Variants in CEP112 observed in about 807,000 individuals in gnomAD.
The protein encoded by CEP112 is centrosomal protein of 112 kDa.
A neutral mutation model predicts 153.0 loss-of-function variants in CEP112; 127 were observed. The observed-to-expected ratio is 0.83, with a 90% CI of 0.72 to 0.96. The LOEUF (loss-of-function observed/expected upper bound fraction) is 0.96. Among genes scored for constraint, CEP112 ranks in the 40% least tolerant of loss-of-function variants. The pLI, the probability that CEP112 is intolerant of heterozygous loss-of-function variation, is 0.00. For missense variants in CEP112, 1,089 were observed against 1,101.2 expected, an observed-to-expected ratio of 0.99 and a Z score of 0.16; for synonymous variants, 358 against 374.4, an observed-to-expected ratio of 0.96 and a Z score of 0.51.
intron 20 of CEP112, among the ~76,000 whole-genome samples, chr17:65,868,582 G>A (rs2058556258): frequency 6.6e-6 from 1 of 151,440 alleles, no homozygotes. Context: ...TTTTGAAATT[G>A]AATATGCAGA....
chr17:65,793,886 A>G (rs1035021736), intron 21 of CEP112, among the ~76,000 whole-genome samples: 2 of 152,200 alleles, frequency 1.3e-5, no homozygotes, highest in Non-Finnish European at 2.9e-5. Flanking sequence ...AGTTTGACCT[A>G]TATCTTATTT....
intron 21 of CEP112, among the ~76,000 whole-genome samples, chr17:65,763,293 T>C (rs929019333): frequency 6.6e-6 from 1 of 152,028 alleles, no homozygotes; most frequent in Non-Finnish European, 1.5e-5. Context: ...TGTAGCATGT[T>C]TTTTCTTTCA....
chr17:66,175,584 C>T (rs968797800), intron 3 of CEP112, among the ~76,000 whole-genome samples: 2 of 151,962 alleles, frequency 1.3e-5, no homozygotes, highest in African/African-American at 4.8e-5. Flanking sequence ...TTTACATACA[C>T]AAAAAAAGAA....
At chr17:65,793,349 G>T (rs1042690985) in intron 21 of CEP112, among the ~76,000 whole-genome samples, 1 of 152,132 alleles carries the variant, frequency 6.6e-6, no homozygotes, top group South Asian at 2.1e-4. Context: ...GTGGGGAGTG[G>T]GAGAAGGGAG....
chr17:65,914,422 C>T (rs954523858), intron 19 of CEP112, among the ~76,000 whole-genome samples: 1 of 151,802 alleles, frequency 6.6e-6, no homozygotes, highest in African/African-American at 2.4e-5. Context: ...CCTTATCTTG[C>T]CTACCACAAT....
chr17:66,133,882 T>C (rs913263558), intron 4 of CEP112, among the ~76,000 whole-genome samples: 2 of 152,164 alleles, frequency 1.3e-5, no homozygotes, highest in Non-Finnish European at 2.9e-5. Flanking sequence ...TTCCTTAGAC[T>C]AGTTAATAAG....
intron 24 of CEP112, among the ~76,000 whole-genome samples, chr17:65,676,993 A>G (rs1017196594): frequency 6.6e-6 from 1 of 152,178 alleles, no homozygotes; most frequent in Non-Finnish European, 1.5e-5. Flanking sequence ...GCATCTGAAC[A>G]TGATATCTGT....
chr17:66,121,692 G>GTT (rs111659267), intron 6 of CEP112, among the ~76,000 whole-genome samples: 2 of 139,400 alleles, frequency 1.4e-5, no homozygotes, highest in South Asian at 2.3e-4. Context: ...ATTTCCATCT[G>GTT]TTTTTTTTTT....
At chr17:65,762,266 G>A (rs1345801349) in intron 21 of CEP112, among the ~76,000 whole-genome samples, 1 of 151,914 alleles carries the variant, frequency 6.6e-6, no homozygotes, top group Non-Finnish European at 1.5e-5. Flanking sequence ...CTTCTGCTTA[G>A]TGTTAGTATG....
chr17:65,704,502 T>C (rs568041130), intron 23 of CEP112, among the ~76,000 whole-genome samples: 3 of 151,950 alleles, frequency 2.0e-5, no homozygotes, highest in Non-Finnish European at 2.9e-5. Context: ...ATTTTACCCA[T>C]GTGAGGGCCA....
chr17:65,637,566 T>C (rs1395138731), intron 25 of CEP112, among the ~76,000 whole-genome samples: 2 of 152,190 alleles, frequency 1.3e-5, no homozygotes, highest in Non-Finnish European at 2.9e-5. Flanking sequence ...CTCCCATTCA[T>C]CCTCCACCAT....
intron 21 of CEP112, among the ~76,000 whole-genome samples, chr17:65,815,681 A>C (rs1262967291): frequency 6.6e-6 from 1 of 152,058 alleles, no homozygotes; most frequent in Non-Finnish European, 1.5e-5. Context: ...TATGCCACAA[A>C]AGTTTAGTTG....
chr17:65,637,530 T>C (rs1207393591), intron 25 of CEP112, among the ~76,000 whole-genome samples: 1 of 152,194 alleles, frequency 6.6e-6, no homozygotes, highest in Non-Finnish European at 1.5e-5. Flanking sequence ...GGCCATTTTC[T>C]CTCTTTGGAA....
intron 20 of CEP112, among the ~76,000 whole-genome samples, chr17:65,881,947 A>C (rs1273829073): frequency 1.3e-5 from 2 of 152,230 alleles, no homozygotes; most frequent in African/African-American, 4.8e-5. Context: ...TCCTTGGTTG[A>C]TTGTGGTAGC....
In CEP112 at chr17:65,754,643, A is replaced by C. The variant is rs1355107925; in HGVS notation, c.2395-3919T>G. 5.3e-5 allele frequency among the ~76,000 whole-genome samples: 8 copies of C among 152,170 alleles called. No individual in the cohort carries two copies. The South Asian group carries it at 1.0e-3, about 20-fold the overall frequency. ...AAATAAAATAAGATAAAATAAAATAAAATACAATACAGTGTAGAGGTCAGT... is the reference window on the plus strand; with the variant it reads ...AAATAAAATAAGATAAAATAAAATACAATACAATACAGTGTAGAGGTCAGT... On this transcript the variant is annotated intron_variant, in intron 21 of 26. Coordinates refer to ENST00000535342, the MANE Select transcript of CEP112 (RefSeq NM_001199165.4).
intron 12 of CEP112, among the ~76,000 whole-genome samples, chr17:66,050,234 A>G (rs890403097): frequency 2.6e-5 from 4 of 152,218 alleles, no homozygotes; most frequent in African/African-American, 9.6e-5. Context: ...TGAGATAAAG[A>G]AACCTAAAGG....
At chr17:65,720,470 A>C (rs1384491244) in intron 23 of CEP112, among the ~76,000 whole-genome samples, 1 of 152,184 alleles carries the variant, frequency 6.6e-6, no homozygotes, top group Admixed American at 6.5e-5. Context: ...TCTAGGAAAG[A>C]GCTGTCAGAG....
At chr17:66,033,572 T>C (rs1436443158) in intron 12 of CEP112, among the ~76,000 whole-genome samples, 1 of 152,214 alleles carries the variant, frequency 6.6e-6, no homozygotes, top group Non-Finnish European at 1.5e-5. Flanking sequence ...TACTGTTCTC[T>C]CTGCCTAAAG....
chr17:65,960,341 A>G (rs1384722781), intron 18 of CEP112, among the ~76,000 whole-genome samples: 1 of 152,228 alleles, frequency 6.6e-6, no homozygotes, highest in East Asian at 1.9e-4. Context: ...TCATATTTAT[A>G]TAATTTTTAA....
Sources: allele counts gnomAD v4.1 joint callset (sites outside exome capture counted in the v4.1 genomes callset), GRCh38; gene constraint gnomAD v4.1.1; transcripts MANE v1.5; gene names NCBI Gene and HGNC (gene_info 2026-07-23, HGNC 2026-07-21).